The following RASIP1 variants were observed in gnomAD, a reference collection of about 807,000 sequenced individuals.
RASIP1 encodes the protein ras-interacting protein 1.
In RASIP1, 20 loss-of-function variants were observed where a neutral mutation model predicts 85.3. That is an observed-to-expected ratio of 0.23 (90% CI 0.17 to 0.34). RASIP1 has a LOEUF of 0.34. Among genes scored for constraint, RASIP1 ranks in the 10% least tolerant of loss-of-function variants. The pLI, the probability that RASIP1 is intolerant of heterozygous loss-of-function variation, is 1.00. For missense variants in RASIP1, 1,170 were observed against 1,390.9 expected (o/e 0.84, Z 2.53); for synonymous variants, 617 against 647.1 (o/e 0.95, Z 0.71).
chr19:48,737,996 G>A, intron 3 of RASIP1: 1 of 960,396 alleles, frequency 1.0e-6, no homozygotes, highest in Non-Finnish European at 1.2e-6. Context: ...CCAGGCTGGA[G>A]TTCAGTGGCG....
At chr19:48,731,134 TGA>T (rs2033449962) in intron 4 of RASIP1, among the ~76,000 whole-genome samples, 2 of 152,014 alleles carry the variant, frequency 1.3e-5, no homozygotes. Flanking sequence ...ATTAGCCAGG[TGA>T]GGTGGCTCAT....
chr19:48,735,160 AG>A, intron 4 of RASIP1, 35 bp downstream of exon 4: 1 of 1,554,304 alleles, frequency 6.4e-7, no homozygotes, highest in Non-Finnish European at 8.8e-7. Flanking sequence ...GATGGGGTAT[AG>A]GGCTCTGGGC....
Position 48,724,951 on chromosome 19 carries a change from A to T in RASIP1, c.2137T>A (p.Ser713Thr), listed in dbSNP as rs890386231. The T allele has an allele frequency of 2.5e-6, 4 of 1,611,084 alleles. No homozygotes were observed. The highest frequency in any genetic ancestry group is 1.3e-5 in the African/African-American group (1 of 74,990). ...CTATCCAGGAGAGCAGGCAGCGTTG[A>T]ATAGAGAGTCTGAGAAAATAGAGAA... ...SVYYLTKTLY[S>T]TLPALLDSNP... Residue 713 changes from serine (S) to threonine (T), a missense_variant, in exon 9 of 12, where the codon TCA becomes ACA. Transcript: ENST00000222145. The surrounding 1 kb of genome is among the most constrained non-coding windows in gnomAD (Gnocchi z 4.6).
intron 6 of RASIP1, 58 bp from the exon 7 acceptor site, chr19:48,727,216 C>T: frequency 6.2e-7 from 1 of 1,601,850 alleles, no homozygotes; most frequent in Non-Finnish European, 8.5e-7. Context: ...AGTTTACAAA[C>T]CCCAAGATCT....
intron 6 of RASIP1, 56 bp downstream of exon 6, chr19:48,727,337 A>G (rs368399323): frequency 2.6e-5 from 42 of 1,590,270 alleles, no homozygotes; most frequent in Non-Finnish European, 3.4e-5. Flanking sequence ...ACAGAACTAG[A>G]CGCAAAACCC....
At chr19:48,728,013 G>C (rs1044135550) in intron 5 of RASIP1, among the ~76,000 whole-genome samples, 5 of 152,126 alleles carry the variant, frequency 3.3e-5, no homozygotes, top group Non-Finnish European at 7.3e-5. Flanking sequence ...AATCCCACAA[G>C]CTTTAGAATG....
intron 4 of RASIP1, among the ~76,000 whole-genome samples, chr19:48,731,988 T>C (rs2033466237): frequency 6.6e-6 from 1 of 152,174 alleles, no homozygotes; most frequent in African/African-American, 2.4e-5. Context: ...ACCAAATGAA[T>C]TCCTACAATA....
chr19:48,736,663 C>T, intron 3 of RASIP1, among the ~76,000 whole-genome samples: 1 of 152,152 alleles, frequency 6.6e-6, no homozygotes, highest in Non-Finnish European at 1.5e-5. Flanking sequence ...TGATGTGTTT[C>T]CCACTAGGCT....
At chr19:48,726,492 C>T (rs1338561998) in intron 8 of RASIP1, among the ~76,000 whole-genome samples, 1 of 152,154 alleles carries the variant, frequency 6.6e-6, no homozygotes, top group Admixed American at 6.6e-5. Flanking sequence ...TCCCAAAGTG[C>T]CGGGATTACA....
intron 8 of RASIP1, among the ~76,000 whole-genome samples, chr19:48,725,852 G>A (rs532192101): frequency 1.3e-5 from 2 of 152,284 alleles, no homozygotes; most frequent in African/African-American, 4.8e-5. Flanking sequence ...GATTCAGAAG[G>A]TGGTAATGGT....
intron 4 of RASIP1, among the ~76,000 whole-genome samples, chr19:48,734,734 A>C (rs566830450): frequency 6.6e-6 from 1 of 152,148 alleles, no homozygotes; most frequent in African/African-American, 2.4e-5. Context: ...TGATCCACCC[A>C]CCAAGGCCTC....
intron 4 of RASIP1, among the ~76,000 whole-genome samples, chr19:48,730,174 T>C (rs547830018): frequency 7.2e-4 from 106 of 147,610 alleles, no homozygotes; most frequent in South Asian, 6.4e-3. Context: ...GAGACCCCCC[T>C]TTTTTTCTTT....
At position 48,738,860 on chromosome 19, in the gene RASIP1, AG is replaced by A; in HGVS notation, c.823+99del. ...GTCCCCTCCCGCGGGCCCCGCCCCC[AG>A]CCAGCCCGCGAGTCCCACAAGCCCC... On this transcript the variant is annotated intron_variant, in intron 3 of 11. Transcript: ENST00000222145. The surrounding 1 kb of genome is among the most constrained non-coding windows in gnomAD (Gnocchi z 4.0). 4 of 513,368 alleles carry A rather than the reference AG, an allele frequency of 7.8e-6. No homozygotes were observed. Among genetic ancestry groups the A allele is most frequent in the South Asian group, 9.5e-5 (1 of 10,478 alleles). 31.8% of individuals were successfully genotyped at this position (513,368 alleles called of 1,614,324 possible).
chr19:48,734,769 GA>G (rs1232396296), intron 4 of RASIP1, among the ~76,000 whole-genome samples: 1 of 152,090 alleles, frequency 6.6e-6, no homozygotes, highest in Non-Finnish European at 1.5e-5. Flanking sequence ...TAACAGGCGT[GA>G]GCCACTGCGC....
At chr19:48,732,777 A>T (rs1057155637) in intron 4 of RASIP1, among the ~76,000 whole-genome samples, 1 of 152,192 alleles carries the variant, frequency 6.6e-6, no homozygotes, top group African/African-American at 2.4e-5. Flanking sequence ...GAATTCTTCC[A>T]TACAAGCTCT....
At chr19:48,731,345 C>G (rs2033454209) in intron 4 of RASIP1, among the ~76,000 whole-genome samples, 1 of 151,932 alleles carries the variant, frequency 6.6e-6, no homozygotes, top group Non-Finnish European at 1.5e-5. Flanking sequence ...ATGGACTCAC[C>G]TATTACTCCC....
At chr19:48,732,496 C>T (rs1169010226) in intron 4 of RASIP1, among the ~76,000 whole-genome samples, 5 of 152,086 alleles carry the variant, frequency 3.3e-5, no homozygotes, top group East Asian at 1.9e-4. Context: ...CCTCGTGATC[C>T]GCCTGCCTCA....
In RASIP1 at chr19:48,732,668, G is replaced by A. The variant is rs187056530; in HGVS notation, c.1179+2528C>T. Among the ~76,000 whole-genome samples the A allele has an allele frequency of 1.8e-3, 267 of 152,192 alleles. 1 individual carries two copies. Among genetic ancestry groups the A allele is most frequent in the Admixed American group, 2.4e-3 (37 of 15,272 alleles). On this transcript the variant is annotated intron_variant, in intron 4 of 11. Coordinates refer to ENST00000222145, the MANE Select transcript of RASIP1 (RefSeq NM_017805.3). ...GACCACCTTCCCAAAAGAGACCTTC[G>A]TGTTCTCCAGCCTTGTCCAGAGGAA...
intron 3 of RASIP1, 111 bp from the exon 4 acceptor site, chr19:48,735,662 C>A: frequency 9.2e-7 from 1 of 1,088,096 alleles, no homozygotes; most frequent in African/African-American, 1.6e-5. Flanking sequence ...CTGCTTCCCA[C>A]ATTTAGGATT....
Sources: allele counts gnomAD v4.1 joint callset (sites outside exome capture counted in the v4.1 genomes callset), GRCh38; gene constraint gnomAD v4.1.1; non-coding constraint Gnocchi (gnomAD v3.1); transcripts MANE v1.5; gene names NCBI Gene and HGNC (gene_info 2026-07-23, HGNC 2026-07-21).